The following WDPCP variants were observed in gnomAD, a reference collection of about 807,000 sequenced individuals.
WDPCP encodes WD repeat containing planar cell polarity effector, also known as WD repeat-containing and planar cell polarity effector protein fritz homolog.
A neutral mutation model predicts 93.1 loss-of-function variants in WDPCP; 71 were observed. The ratio of observed to expected loss-of-function variants is 0.76; its 90% CI spans 0.63 to 0.93. The LOEUF is 0.93. Ranked by LOEUF, WDPCP falls within the 40% of genes least tolerant of loss-of-function variation. The pLI is 0.00. For missense variants in WDPCP, 844 were observed against 887.4 expected, an observed-to-expected ratio of 0.95 and a Z score of 0.62; for synonymous variants, 315 against 315.0, an observed-to-expected ratio of 1.00 and a Z score of 0.00.
chr2:63,259,714 T>G (rs1559256368), intron 13 of WDPCP, among the ~76,000 whole-genome samples: 1 of 152,222 alleles, frequency 6.6e-6, no homozygotes, highest in Admixed American at 6.5e-5. Flanking sequence ...CTATTTTTCT[T>G]TGGTAAGACA....
At position 63,321,438 on chromosome 2, in the gene WDPCP, G is replaced by A. The variant is rs1033412815; in HGVS notation, c.1749-8127C>T. On this transcript the variant is annotated intron_variant, in intron 12 of 17. Coordinates refer to ENST00000272321, the MANE Select transcript of WDPCP (RefSeq NM_015910.7). ...TGTGTGTGTGTGTATCCACCCACAT[G>A]AGAGCTCCTTATTGTTACTTTGCTG... Among the ~76,000 whole-genome samples the A allele has an allele frequency of 3.5e-4, 52 of 150,426 alleles. 1 individual carries two copies. Among genetic ancestry groups the A allele is most frequent in the African/African-American group, 1.2e-3 (48 of 40,848 alleles).
rs181802157 is a variant in WDPCP, at chr2:63,419,410, G to T, written c.825+14335C>A. On this transcript the variant is annotated intron_variant, in intron 9 of 17. Transcript: ENST00000272321. ...TGGCCTTGGCCTCCCAAAGTGCTGG[G>T]ATTACAGGTGTGAGCCACTGCGCCC... 2.4e-3 allele frequency among the ~76,000 whole-genome samples: 373 copies of T among 152,290 alleles called. 3 individuals carry two copies. The highest frequency in any genetic ancestry group is 4.2e-3 in the Non-Finnish European group (289 of 68,034).
chr2:63,690,755 AAAAC>A (rs1175694849), intron 2 of WDPCP, among the ~76,000 whole-genome samples: 2 of 152,158 alleles, frequency 1.3e-5, no homozygotes, highest in Non-Finnish European at 2.9e-5. Flanking sequence ...AAAACAAAAC[AAAAC>A]AAACAAACAA....
intron 1 of WDPCP, among the ~76,000 whole-genome samples, chr2:63,521,332 C>T (rs1230287837): frequency 1.3e-5 from 2 of 152,140 alleles, no homozygotes; most frequent in East Asian, 1.9e-4. Context: ...GGCATTAGAC[C>T]CATAAGCTCA....
At chr2:63,801,449 A>G (rs1670692215) in intron 2 of WDPCP, among the ~76,000 whole-genome samples, 1 of 152,182 alleles carries the variant, frequency 6.6e-6, no homozygotes, top group Non-Finnish European at 1.5e-5. Context: ...AAGATTTATC[A>G]TGAAGAGCAA....
chr2:63,403,550 A>C (rs886921967), intron 10 of WDPCP, among the ~76,000 whole-genome samples: 2 of 152,210 alleles, frequency 1.3e-5, no homozygotes, highest in African/African-American at 4.8e-5. Context: ...AGAAACTAAA[A>C]GTTATACAGG....
At chr2:63,578,572 C>A (rs1478621206) in intron 1 of WDPCP, among the ~76,000 whole-genome samples, 2 of 152,012 alleles carry the variant, frequency 1.3e-5, no homozygotes, top group East Asian at 3.9e-4. Context: ...CCTGACATAG[C>A]CTGGAGGTTG....
At chr2:63,157,473 T>C (rs1335980285) in intron 15 of WDPCP, among the ~76,000 whole-genome samples, 1 of 152,184 alleles carries the variant, frequency 6.6e-6, no homozygotes, top group Non-Finnish European at 1.5e-5. Flanking sequence ...AGTATATTTT[T>C]CTCTCAACGA....
At chr2:63,209,638 A>G (rs1259076515) in intron 14 of WDPCP, among the ~76,000 whole-genome samples, 6 of 152,194 alleles carry the variant, frequency 3.9e-5, no homozygotes, top group Admixed American at 1.3e-4. Flanking sequence ...ATTGGTGTTC[A>G]TTATTGTAGT....
intron 17 of WDPCP, among the ~76,000 whole-genome samples, chr2:63,128,115 G>C (rs1238529585): frequency 6.6e-6 from 1 of 151,958 alleles, no homozygotes; most frequent in Admixed American, 6.6e-5. Context: ...CTCCAGCCTG[G>C]GTGACAGAAT....
intron 13 of WDPCP, among the ~76,000 whole-genome samples, chr2:63,259,653 T>C (rs1681452068): frequency 6.6e-6 from 1 of 152,184 alleles, no homozygotes; most frequent in Admixed American, 6.5e-5. Flanking sequence ...AAATACAAGT[T>C]TTTAATAAAG....
At chr2:63,394,580 A>G (rs546862226) in intron 10 of WDPCP, among the ~76,000 whole-genome samples, 2 of 152,292 alleles carry the variant, frequency 1.3e-5, no homozygotes, top group East Asian at 3.9e-4. Flanking sequence ...ATAAAGACAC[A>G]TGCACACGTA....
At chr2:63,812,751 A>G (rs1283210024) in intron 2 of WDPCP, among the ~76,000 whole-genome samples, 1 of 152,200 alleles carries the variant, frequency 6.6e-6, no homozygotes, top group Non-Finnish European at 1.5e-5. Context: ...AATTTGTTAC[A>G]TGGCAATAGA....
At chr2:63,160,428 G>A (rs1672565097) in intron 15 of WDPCP, among the ~76,000 whole-genome samples, 1 of 152,068 alleles carries the variant, frequency 6.6e-6, no homozygotes, top group African/African-American at 2.4e-5. Flanking sequence ...ATTAGTTTCT[G>A]AAAGATTGAT....
chr2:63,204,080 T>C (rs985610660), intron 14 of WDPCP, among the ~76,000 whole-genome samples: 3 of 152,192 alleles, frequency 2.0e-5, no homozygotes, highest in African/African-American at 7.2e-5. Flanking sequence ...AGTGGGATTG[T>C]TGACTCATGT....
intron 1 of WDPCP, among the ~76,000 whole-genome samples, chr2:63,575,378 A>ACT (rs71398616): frequency 7.9e-6 from 1 of 126,652 alleles, no homozygotes; most frequent in African/African-American, 2.8e-5. Flanking sequence ...CAGTATATAC[A>ACT]GTATATACAC....
intron 2 of WDPCP, among the ~76,000 whole-genome samples, chr2:63,490,903 T>C (rs937775517): frequency 2.0e-5 from 3 of 152,110 alleles, no homozygotes; most frequent in Admixed American, 6.6e-5. Flanking sequence ...GATTAAAAGG[T>C]TGACCATCTC....
At chr2:63,170,501 G>A (rs1673309234) in intron 15 of WDPCP, among the ~76,000 whole-genome samples, 1 of 151,904 alleles carries the variant, frequency 6.6e-6, no homozygotes, top group Non-Finnish European at 1.5e-5. Flanking sequence ...TTGAACTCCT[G>A]ACCTCAGGTG....
intron 17 of WDPCP, among the ~76,000 whole-genome samples, chr2:63,125,891 G>C (rs1158046430): frequency 6.7e-6 from 1 of 149,918 alleles, no homozygotes. Context: ...GATTACAGGC[G>C]TGAGCCACCT....
Sources: allele counts gnomAD v4.1 joint callset (sites outside exome capture counted in the v4.1 genomes callset), GRCh38; gene constraint gnomAD v4.1.1; transcripts MANE v1.5; gene names NCBI Gene and HGNC (gene_info 2026-07-23, HGNC 2026-07-21).